TAF4: variants seen among roughly 807,000 people sequenced by gnomAD.
TAF4 encodes TATA-box binding protein associated factor 4, also known as transcription initiation factor TFIID subunit 4.
Under a neutral mutation model 90.3 loss-of-function variants are expected in TAF4, and 9 were observed. The observed-to-expected ratio is 0.10, with a 90% CI of 0.06 to 0.17. TAF4 has a LOEUF of 0.17. Among genes scored for constraint, TAF4 ranks in the 10% least tolerant of loss-of-function variants. The pLI is 1.00. For synonymous variants in TAF4, 818 were observed against 638.9 expected, an observed-to-expected ratio of 1.28 and a Z score of -4.23; for missense variants, 1,351 against 1,370.7, an observed-to-expected ratio of 0.99 and a Z score of 0.23.
In TAF4 at chr20:62,006,976, T is replaced by A; in HGVS notation, c.1975-218A>T. The A allele has an allele frequency of 2.0e-6, 1 of 499,040 alleles. No homozygotes were observed. Among genetic ancestry groups the A allele is most frequent in the South Asian group, 1.0e-4 (1 of 9,772 alleles). The allele number at this position is 499,040 out of a possible 1,614,324, so 30.9% of individuals were successfully genotyped here. A position where few individuals can be genotyped will look rare whatever the true frequency, so the allele number is the denominator to read the frequency against. ...CTGATAGCAAATGTCCAAAATGTGTTCAAGAAAACAAACAAAAAGAGACAT... is the reference window on the plus strand; with the variant it reads ...CTGATAGCAAATGTCCAAAATGTGTACAAGAAAACAAACAAAAAGAGACAT... On this transcript the variant is annotated intron_variant, in intron 6 of 14. Transcript: ENST00000252996. The surrounding 1 kb of genome is among the most constrained non-coding windows in gnomAD (Gnocchi z 7.0).
rs1600839767 is a variant in TAF4 at position 62,006,227 on chromosome 20, A to G, written c.2223+283T>C. 9 of 329,570 alleles carry G rather than the reference A, an allele frequency of 2.7e-5. No homozygotes were observed. The East Asian group carries it at 3.8e-4, about 14-fold the overall frequency. 20.4% of individuals were successfully genotyped at this position (329,570 alleles called of 1,614,324 possible). ...ACAAGATCCTCTAAAAGCACGCTGC[A>G]TTCATTTACACCAGTAACATCCCCA... On this transcript the variant is annotated intron_variant, in intron 7 of 14. Transcript: ENST00000252996. The surrounding 1 kb of genome is among the most constrained non-coding windows in gnomAD (Gnocchi z 7.0).
At chr20:62,027,268 A>C (rs1024897495) in intron 1 of TAF4, among the ~76,000 whole-genome samples, 1 of 152,218 alleles carries the variant, frequency 6.6e-6, no homozygotes, top group Non-Finnish European at 1.5e-5. Context: ...CGTCGTCAAA[A>C]GAGCAAGGTG....
At chr20:61,993,949 C>T (rs536622810) in intron 14 of TAF4, among the ~76,000 whole-genome samples, 10 of 152,248 alleles carry the variant, frequency 6.6e-5, no homozygotes, top group Admixed American at 3.9e-4. Context: ...GACAGGGTTT[C>T]ACCATCTTGG....
chr20:62,062,910 C>G (rs879553571), intron 1 of TAF4, among the ~76,000 whole-genome samples: 15 of 152,178 alleles, frequency 9.9e-5, no homozygotes, highest in Non-Finnish European at 2.2e-4. Flanking sequence ...CACGTGGGAC[C>G]TCTGGAAAAA....
chr20:61,977,635 G>A (rs983851857), intron 14 of TAF4, among the ~76,000 whole-genome samples: 4 of 152,166 alleles, frequency 2.6e-5, no homozygotes, highest in East Asian at 1.9e-4. Context: ...ACAGATGAGG[G>A]CACCTGTCTC....
intron 14 of TAF4, among the ~76,000 whole-genome samples, chr20:61,991,769 G>T (rs1373247297): frequency 6.6e-6 from 1 of 152,074 alleles, no homozygotes; most frequent in East Asian, 1.9e-4. Flanking sequence ...TTCCTAAGGA[G>T]ACTTGAACCG....
intron 7 of TAF4, chr20:62,004,734 C>G (rs1046129338): frequency 6.6e-6 from 1 of 152,276 alleles, no homozygotes; most frequent in Admixed American, 6.5e-5. Context: ...ACCCACTGCT[C>G]CCAGCATGGC....
In TAF4 at chr20:62,064,838, C is replaced by A. The variant is rs1369654553; in HGVS notation, c.973G>T (p.Val325Phe). ...PAPAAGGPAGVSGQPGPGAAA... is the reference protein window; with the variant it reads ...PAPAAGGPAGFSGQPGPGAAA... ...GCGCCGGGCCCGGGTTGGCCGCTGA[C>A]CCCCGCGGGGCCCCCGGCGGCCGGG... is the stretch of plus-strand genomic sequence containing the variant. The change falls in exon 1 of 15, where the codon GTC becomes TTC. Residue 325 changes from valine (V) to phenylalanine (F), a missense_variant. This residue lies in a region of TAF4 where 782 missense variants were observed against 536.6 expected (regional missense o/e 1.46). Transcript: ENST00000252996. 4.7e-4 allele frequency: 454 copies of A among 971,172 alleles called. 2 individuals carry two copies. In the African/African-American group the frequency reaches 7.7e-3, roughly 16 times the overall value. 60.2% of individuals were successfully genotyped at this position (971,172 alleles called of 1,614,324 possible).
chr20:62,054,647 C>A (rs549916586), intron 1 of TAF4, among the ~76,000 whole-genome samples: 1 of 152,268 alleles, frequency 6.6e-6, no homozygotes, highest in Admixed American at 6.5e-5. Context: ...CTCACCACCC[C>A]ACTCCCAGCA....
At chr20:62,016,144 G>A (rs181402435) in intron 1 of TAF4, among the ~76,000 whole-genome samples, 403 of 152,316 alleles carry the variant, frequency 2.6e-3, no homozygotes, top group African/African-American at 8.9e-3. Context: ...CCATGTGGCC[G>A]CCAGAGCTGC....
intron 1 of TAF4, among the ~76,000 whole-genome samples, chr20:62,055,180 C>T (rs1027930965): frequency 5.4e-5 from 8 of 148,040 alleles, no homozygotes; most frequent in African/African-American, 1.7e-4. Context: ...TTCACGCTGC[C>T]TGCGGGCAGT....
intron 1 of TAF4, among the ~76,000 whole-genome samples, chr20:62,048,584 G>A (rs922968190): frequency 2.6e-5 from 4 of 151,900 alleles, no homozygotes; most frequent in Non-Finnish European, 4.4e-5. Flanking sequence ...AAGCAGGATC[G>A]TCTCCCCACG....
intron 1 of TAF4, among the ~76,000 whole-genome samples, chr20:62,018,541 G>C (rs560514002): frequency 4.9e-4 from 75 of 152,044 alleles, no homozygotes; most frequent in Admixed American, 1.6e-3. Flanking sequence ...ACTTGCAGCA[G>C]GGTACACGTG....
intron 14 of TAF4, 83 bp from the exon 15 acceptor site, chr20:61,976,418 C>T (rs576196068): frequency 1.1e-5 from 17 of 1,523,588 alleles, no homozygotes; most frequent in Non-Finnish European, 1.4e-5. Context: ...GAGCCAAGTA[C>T]CCCGATTCCA....
intron 3 of TAF4, chr20:62,012,605 A>G (rs1260563361): frequency 9.8e-6 from 6 of 611,578 alleles, no homozygotes; most frequent in Non-Finnish European, 1.3e-5. Flanking sequence ...TGTGACTAAA[A>G]AAAAGAAAAA....
At chr20:61,977,129 A>G (rs1437681658) in intron 14 of TAF4, among the ~76,000 whole-genome samples, 4 of 136,682 alleles carry the variant, frequency 2.9e-5, no homozygotes, top group African/African-American at 1.1e-4. Flanking sequence ...GACACCGCCC[A>G]GCGGGGCACG....
intron 1 of TAF4, among the ~76,000 whole-genome samples, chr20:62,053,787 T>C (rs2145516410): frequency 6.6e-6 from 1 of 152,328 alleles, no homozygotes; most frequent in East Asian, 1.9e-4. Flanking sequence ...CCCAGCACTC[T>C]GTGCAGACAG....
At chr20:61,980,006 C>G (rs2055528870) in intron 14 of TAF4, 1 of 152,612 alleles carries the variant, frequency 6.6e-6, no homozygotes, top group Non-Finnish European at 1.5e-5. Flanking sequence ...GCCTAAACAA[C>G]TCCAAACACA....
chr20:62,025,797 AAC>A (rs1038285177), intron 1 of TAF4, among the ~76,000 whole-genome samples: 1 of 152,168 alleles, frequency 6.6e-6, no homozygotes, highest in African/African-American at 2.4e-5. Flanking sequence ...AAAATTCTAA[AAC>A]ACACAGACTC....
Sources: gnomAD v4.1 joint callset for allele counts (sites outside exome capture counted in the v4.1 genomes callset) on GRCh38, gnomAD v4.1.1 for gene constraint, gnomAD v4.1.1 regional missense constraint, Gnocchi (gnomAD v3.1) non-coding constraint, MANE v1.5 for transcripts, NCBI Gene and HGNC (gene_info 2026-07-23, HGNC 2026-07-21) for gene names.